The following COL6A2 variants were observed in gnomAD, a reference collection of about 807,000 sequenced individuals.
COL6A2 encodes collagen type VI alpha 2 chain, also known as collagen alpha-2(VI) chain.
In COL6A2, 90 loss-of-function variants were observed where a neutral mutation model predicts 124.9. The observed-to-expected ratio is 0.72, with a 90% CI of 0.61 to 0.86. The LOEUF is 0.86. COL6A2 is among the 40% of genes least tolerant of loss of function. The pLI is 0.00. For missense variants in COL6A2, 1,607 were observed against 1,502.5 expected (o/e 1.07, Z -1.15); for synonymous variants, 793 against 618.2 (o/e 1.28, Z -4.19).
chr21:46,132,492 G>C lies in COL6A2; in HGVS notation c.3000G>C (p.Lys1000Asn), dbSNP rs780794521. ...LGDRAAVFHE[K>N]DYDSLAQPGF... Reference sequence around the variant, plus strand: ...ACCGCGCCGCCGTGTTCCACGAGAAGGACTATGACAGCCTGGCGCAACCCG... The same window carrying C: ...ACCGCGCCGCCGTGTTCCACGAGAACGACTATGACAGCCTGGCGCAACCCG... The change falls in exon 28 of 28, where the codon AAG becomes AAC. Residue 1000 changes from lysine (K) to asparagine (N), a missense_variant. By Grantham distance (94) the Lys-to-Asn change is moderately conservative (BLOSUM62 0). Transcript: ENST00000300527. 1.9e-5 allele frequency: 30 copies of C among 1,608,042 alleles called. No homozygotes were observed. The highest frequency in any genetic ancestry group is 1.7e-4 in the Middle Eastern group (1 of 6,058).
At chr21:46,099,887 G>GTTTTTTTT (rs2078269010) in intron 1 of COL6A2, among the ~76,000 whole-genome samples, 35 of 61,350 alleles carry the variant, frequency 5.7e-4, no homozygotes, top group South Asian at 1.9e-3. Context: ...TAGCAGCACT[G>GTTTTTTTT]TCTTTTTTTT....
In COL6A2 at chr21:46,125,534, C is replaced by A. The variant is rs753019339; in HGVS notation, c.1886C>A (p.Thr629Asn). Reference sequence around the variant, plus strand: ...GACAGCTCCGAGAGCATTGGGTACACCAACTTCACACTGGAGAAGAACTTC... The same window carrying A: ...GACAGCTCCGAGAGCATTGGGTACAACAACTTCACACTGGAGAAGAACTTC... Reference protein sequence around the residue: ...VIDSSESIGYTNFTLEKNFVI... With the variant: ...VIDSSESIGYNNFTLEKNFVI... The change falls in exon 25 of 28, where the codon ACC becomes AAC. Residue 629 changes from threonine to asparagine, a missense_variant. Around this residue, in one of 3 missense-constraint regions of COL6A2, gnomAD observed 1,223 missense variants for 1,052.2 expected, o/e 1.16. Transcript: ENST00000300527. 1.4e-5 allele frequency: 22 copies of A among 1,612,984 alleles called. No homozygotes were observed. The South Asian group carries it at 2.1e-4, about 15-fold the overall frequency.
intron 27 of COL6A2, among the ~76,000 whole-genome samples, chr21:46,127,294 C>G (rs73908540): frequency 1.3e-5 from 2 of 152,072 alleles, no homozygotes. Context: ...GTCTGCGGTA[C>G]GAAGTCAGCG....
Position 46,117,467 on chromosome 21 carries a change from G to A in COL6A2, c.1053+14G>A. The A allele has an allele frequency of 9.9e-6, 16 of 1,612,342 alleles. No homozygotes were observed. The highest frequency in any genetic ancestry group is 1.3e-5 in the Non-Finnish European group (15 of 1,179,664). ...CCTGGAAACCGGGTAAGGGCCGTTT[G>A]CACCCCTCCTTCAGCCTCGGCCCAG... On this transcript the variant is annotated intron_variant, in intron 11 of 27. Coordinates refer to ENST00000300527, the MANE Select transcript of COL6A2 (RefSeq NM_001849.4).
chr21:46,129,284 G>C lies in COL6A2; in HGVS notation c.2462-2670G>C. 13 of 1,612,942 alleles carry C rather than the reference G, an allele frequency of 8.1e-6. No individual in the cohort carries two copies. The highest frequency in any genetic ancestry group is 1.1e-5 in the Non-Finnish European group (13 of 1,179,972). On this transcript the variant is annotated intron_variant, in intron 27 of 27. Coordinates refer to ENST00000300527, the MANE Select transcript of COL6A2 (RefSeq NM_001849.4). The stretch of plus-strand genomic sequence containing the variant: ...CCACCTTCCCCAGGACCATTCCCCT[G>C]ATCCAACAGTTGCTAAACGCCACGG...
Position 46,125,056 on chromosome 21 carries a change from G to A in COL6A2, c.1770+136G>A, listed in dbSNP as rs1158766316. 5 of 1,250,040 alleles carry A rather than the reference G, an allele frequency of 4.0e-6. No individual in the cohort carries two copies. In the East Asian group the frequency reaches 1.2e-4, roughly 30 times the overall value. The allele number at this position is 1,250,040 out of a possible 1,614,324, so 77.4% of individuals were successfully genotyped here. A position where few individuals can be genotyped will look rare whatever the true frequency, so the allele number is the denominator to read the frequency against. ...GAGGAGGTCAGAGGGCAAGGTCAGAGAGCAAGCTTGGTTGGGGAAGGTCAC... is the reference window on the plus strand; with the variant it reads ...GAGGAGGTCAGAGGGCAAGGTCAGAAAGCAAGCTTGGTTGGGGAAGGTCAC... On this transcript the variant is annotated intron_variant, in intron 23 of 27. Coordinates refer to ENST00000300527, the MANE Select transcript of COL6A2 (RefSeq NM_001849.4).
intron 1 of COL6A2, among the ~76,000 whole-genome samples, chr21:46,101,691 CAT>C (rs1387111181): frequency 6.6e-6 from 1 of 151,980 alleles, no homozygotes; most frequent in Non-Finnish European, 1.5e-5. Flanking sequence ...GATTGAAAGT[CAT>C]ATATGCAAGG....
chr21:46,104,702 G>C (rs761891684), intron 1 of COL6A2, among the ~76,000 whole-genome samples: 3 of 152,254 alleles, frequency 2.0e-5, no homozygotes, highest in African/African-American at 7.2e-5. Context: ...GCTCCAAGCA[G>C]GATGAACTCA....
Position 46,116,283 on chromosome 21 carries a change from A to G in COL6A2, c.901-94A>G. 1 of 1,446,076 alleles carries G rather than the reference A, an allele frequency of 6.9e-7. No individual in the cohort carries two copies. Among genetic ancestry groups the G allele is most frequent in the South Asian group, 1.2e-5 (1 of 85,420 alleles). 89.6% of individuals were successfully genotyped at this position (1,446,076 alleles called of 1,614,324 possible). A position where few individuals can be genotyped will look rare whatever the true frequency, so the allele number is the denominator to read the frequency against. On this transcript the variant is annotated intron_variant, in intron 7 of 27. Coordinates refer to ENST00000300527, the MANE Select transcript of COL6A2 (RefSeq NM_001849.4). This position sits in a 1 kb window ranked among gnomAD's most constrained non-coding sequence, Gnocchi z 4.6. ...CGAGAACACTAGATGCCAGCGGCCC[A>G]CCGAGCACTCCCCTCAGCCTGCAGG... is the stretch of plus-strand genomic sequence containing the variant.
chr21:46,113,411 C>G (rs551515094), intron 4 of COL6A2, among the ~76,000 whole-genome samples: 55 of 152,036 alleles, frequency 3.6e-4, no homozygotes, highest in Non-Finnish European at 5.9e-4. Flanking sequence ...GGGTCTTTCT[C>G]TGTCACCTAG....
chr21:46,103,419 G>GT (rs1471055233), intron 1 of COL6A2, among the ~76,000 whole-genome samples: 1 of 151,946 alleles, frequency 6.6e-6, no homozygotes, highest in African/African-American at 2.4e-5. Flanking sequence ...TCTCCATTTT[G>GT]TTTATCTTTG....
At chr21:46,124,753 G>A (rs749731467) in intron 22 of COL6A2, 40 bp downstream of exon 22, 36 of 1,606,588 alleles carry the variant, frequency 2.2e-5, no homozygotes, top group Non-Finnish European at 2.6e-5. Flanking sequence ...CCCCCAACCT[G>A]CCAGGCCAAC....
In COL6A2 at chr21:46,124,691, C is replaced by A. The variant is rs370398833; in HGVS notation, c.1712C>A (p.Pro571Gln). The change falls in exon 22 of 28, where the codon CCA becomes CAA. Residue 571 changes from proline to glutamine, a missense_variant. Around this residue, in one of 3 missense-constraint regions of COL6A2, gnomAD observed 1,223 missense variants for 1,052.2 expected, o/e 1.16. Transcript: ENST00000300527. ...GPPGEPGPRG[P>Q]RGVPGPEGEP... ...CCTGGTGAGCCAGGCCCTCGGGGGC[C>A]AAGAGGAGTCCCAGGACCCGAGGTA... 8 of 1,612,746 alleles carry A rather than the reference C, an allele frequency of 5.0e-6. No individual in the cohort carries two copies. In the African/African-American group the frequency reaches 8.0e-5, roughly 16 times the overall value.
intron 27 of COL6A2, chr21:46,129,302 C>A: frequency 6.2e-7 from 1 of 1,612,954 alleles, no homozygotes; most frequent in African/African-American, 1.3e-5. Flanking sequence ...AGTTGCTAAA[C>A]GCCACGGAGC....
rs794727419 is a variant in COL6A2 at position 46,126,007 on chromosome 21, C to T, written c.2192C>T (p.Thr731Met). The change falls in exon 26 of 28, where the codon ACG becomes ATG. Residue 731 changes from threonine to methionine, a missense_variant. Transcript: ENST00000300527. ...QKTRVFAVVI[T>M]DGRHDPRDDD... Reference sequence around the variant, plus strand: ...ACACGTGTGTTTGCGGTGGTCATCACGGACGGGCGCCACGACCCTCGGGAC... The same window carrying T: ...ACACGTGTGTTTGCGGTGGTCATCATGGACGGGCGCCACGACCCTCGGGAC... The T allele has an allele frequency of 2.5e-6, 4 of 1,612,922 alleles. No individual in the cohort carries two copies. The highest frequency in any genetic ancestry group is 3.4e-6 in the Non-Finnish European group (4 of 1,179,836).
In COL6A2 at chr21:46,120,583, G is replaced by A. The variant is rs886042454; in HGVS notation, c.1395+6G>A. ...TTGGCAACAAAGGAGCCAAGGTAGG[G>A]GAGCAGGGTGGGCCGCACCCCAAGG... On this transcript the variant is annotated splice_donor_region_variant and intron_variant, in intron 16 of 27. Coordinates refer to ENST00000300527, the MANE Select transcript of COL6A2 (RefSeq NM_001849.4). 2.1e-6 allele frequency: 3 copies of A among 1,459,236 alleles called. No homozygotes were observed. The Admixed American group carries it at 8.5e-5, about 41-fold the overall frequency. The allele number at this position is 1,459,236 out of a possible 1,614,324, so 90.4% of individuals were successfully genotyped here. A position where few individuals can be genotyped will look rare whatever the true frequency, so the allele number is the denominator to read the frequency against.
At position 46,132,058 on chromosome 21, in the gene COL6A2, G is replaced by T; in HGVS notation, c.2566G>T (p.Val856Leu). Residue 856 changes from valine (V) to leucine (L), a missense_variant, in exon 28 of 28, where the codon GTG (valine) becomes TTG (leucine). Coordinates refer to ENST00000300527, the MANE Select transcript of COL6A2 (RefSeq NM_001849.4). ...EQNFHKARRFVEQVARRLTLA... is the reference protein window; with the variant it reads ...EQNFHKARRFLEQVARRLTLA... Reference sequence around the variant, plus strand: ...GAACTTCCACAAGGCCCGGCGCTTCGTGGAGCAGGTGGCGCGGCGGCTGAC... The same window carrying T: ...GAACTTCCACAAGGCCCGGCGCTTCTTGGAGCAGGTGGCGCGGCGGCTGAC... 1 of 1,606,306 alleles carries T rather than the reference G, an allele frequency of 6.2e-7. No individual in the cohort carries two copies. The highest frequency in any genetic ancestry group is 8.5e-7 in the Non-Finnish European group (1 of 1,178,598).
At position 46,132,378 on chromosome 21, in the gene COL6A2, C is replaced by T. The variant is rs115970356; in HGVS notation, c.2886C>T (p.His962=). 6.2e-4 allele frequency: 997 copies of T among 1,609,450 alleles called. 8 individuals are homozygous for T. The African/African-American group carries it at 0.012, about 19-fold the overall frequency. ...ACGACAGTCTGCACGAGTCGGCGCA[C>T]TCCATGCGCAAGCAGAACGTGGTAC... ...TGNDSLHESA[H]SMRKQNVVPT... Residue 962 remains histidine (H), a synonymous_variant, in exon 28 of 28, where the codon CAC becomes CAT. Transcript: ENST00000300527.
intron 11 of COL6A2, 82 bp from the exon 12 acceptor site, chr21:46,117,792 G>A: frequency 1.4e-6 from 2 of 1,437,700 alleles, no homozygotes; most frequent in South Asian, 2.4e-5. Flanking sequence ...CCCGGGCTGG[G>A]ACAATGGAGC....
Sources: allele counts gnomAD v4.1 joint callset (sites outside exome capture counted in the v4.1 genomes callset), GRCh38; gene constraint gnomAD v4.1.1; regional missense constraint gnomAD v4.1.1; non-coding constraint Gnocchi (gnomAD v3.1); transcripts MANE v1.5; gene names NCBI Gene and HGNC (gene_info 2026-07-23, HGNC 2026-07-21).